The following USP10 variants were observed in gnomAD, a reference collection of about 807,000 sequenced individuals.
The protein encoded by USP10 is ubiquitin carboxyl-terminal hydrolase 10.
In USP10, 22 loss-of-function variants were observed where a neutral mutation model predicts 84.5. The observed-to-expected ratio is 0.26, with a 90% CI of 0.19 to 0.37. USP10 has a LOEUF of 0.37. Among genes scored for constraint, USP10 ranks in the 10% least tolerant of loss-of-function variants. USP10 has a pLI of 1.00. For missense variants in USP10, 1,019 were observed against 998.9 expected, an observed-to-expected ratio of 1.02 and a Z score of -0.27; for synonymous variants, 454 against 387.6, an observed-to-expected ratio of 1.17 and a Z score of -2.01.
intron 11 of USP10, among the ~76,000 whole-genome samples, chr16:84,769,076 A>C (rs190534951): frequency 1.3e-5 from 2 of 152,314 alleles, no homozygotes; most frequent in Admixed American, 1.3e-4. Context: ...AGGTTGTGGC[A>C]GTGAATTCAT....
At chr16:84,718,751 C>G (rs550521440) in intron 1 of USP10, among the ~76,000 whole-genome samples, 2 of 151,368 alleles carry the variant, frequency 1.3e-5, no homozygotes, top group South Asian at 2.1e-4. Context: ...GCAAGACTGT[C>G]TGACAAAAAA....
At chr16:84,770,258 G>C (rs1914291956) in intron 11 of USP10, among the ~76,000 whole-genome samples, 1 of 152,170 alleles carries the variant, frequency 6.6e-6, no homozygotes, top group Non-Finnish European at 1.5e-5. Context: ...GATGTTTCAG[G>C]AAGATTTGGG....
At chr16:84,767,793 T>A (rs1914023254) in intron 10 of USP10, among the ~76,000 whole-genome samples, 1 of 152,140 alleles carries the variant, frequency 6.6e-6, no homozygotes, top group Non-Finnish European at 1.5e-5. Flanking sequence ...TTAATTTATT[T>A]TTTTATTGAT....
rs796589020 is a variant in USP10 at position 84,756,651 on chromosome 16, T to TA, written c.1193-2055dup. 1.9e-3 allele frequency among the ~76,000 whole-genome samples: 286 copies of TA among 149,480 alleles called. 1 individual carries two copies. Among genetic ancestry groups the TA allele is most frequent in the African/African-American group, 5.9e-3 (241 of 40,822 alleles). ...AGGCTTTGAGTCTTAAGGTTAGGTT[T>TA]AAAAAAAAAAGTCATTTGATATAAA... On this transcript the variant is annotated intron_variant, in intron 4 of 13. Coordinates refer to ENST00000219473, the MANE Select transcript of USP10 (RefSeq NM_005153.3).
intron 1 of USP10, chr16:84,704,665 T>G (rs1422113125): frequency 1.6e-5 from 23 of 1,440,630 alleles, no homozygotes; most frequent in Non-Finnish European, 1.7e-5. Context: ...AATGTAGAAT[T>G]TATCATAAAC....
In USP10 at chr16:84,700,158, G is replaced by A. The variant is rs1434030332; in HGVS notation, c.21+47G>A. On this transcript the variant is annotated intron_variant, in intron 1 of 13. Coordinates refer to ENST00000219473, the MANE Select transcript of USP10 (RefSeq NM_005153.3). The stretch of plus-strand genomic sequence containing the variant: ...CGGCCGGAAGGGGCCCGAGCCCCGG[G>A]CGGGCGGACGCCGCGGCGGGCGGGC... The A allele has an allele frequency of 9.8e-6, 12 of 1,220,474 alleles. 2 individuals carry two copies. The African/African-American group carries it at 2.0e-4, about 20-fold the overall frequency. 75.6% of individuals were successfully genotyped at this position (1,220,474 alleles called of 1,614,324 possible). A position where few individuals can be genotyped will look rare whatever the true frequency, so the allele number is the denominator to read the frequency against.
rs575864843 is a variant in USP10, at chr16:84,752,862, G to T, written c.1193-5854G>T. 2.6e-5 allele frequency among the ~76,000 whole-genome samples: 4 copies of T among 152,290 alleles called. 1 individual carries two copies. The South Asian group carries it at 6.2e-4, about 24-fold the overall frequency. On this transcript the variant is annotated intron_variant, in intron 4 of 13. Transcript: ENST00000219473. ...GATGTTACAAAAGTGGACCTTAAAT[G>T]TTTCTTGAGTGTTTGGATCTTAAGA...
intron 2 of USP10, among the ~76,000 whole-genome samples, chr16:84,736,022 C>T (rs1052946706): frequency 4.0e-5 from 6 of 149,962 alleles, no homozygotes; most frequent in Admixed American, 6.6e-5. Flanking sequence ...GTGTGAGTGG[C>T]GAGGGCGTGT....
At chr16:84,726,828 G>C (rs1415214552) in intron 1 of USP10, among the ~76,000 whole-genome samples, 1 of 152,218 alleles carries the variant, frequency 6.6e-6, no homozygotes, top group African/African-American at 2.4e-5. Context: ...CGAATCGCAG[G>C]CATTTCTGTG....
rs140147479 is a variant in USP10 at position 84,733,486 on chromosome 16, C to T, written c.73C>T (p.Pro25Ser). The T allele has an allele frequency of 3.7e-6, 6 of 1,608,398 alleles. No homozygotes were observed. Among genetic ancestry groups the T allele is most frequent in the South Asian group, 1.1e-5 (1 of 90,280 alleles). The change falls in exon 2 of 14, where the codon CCT becomes TCT. Residue 25 changes from proline (P) to serine (S), a missense_variant. By Grantham distance (74) the Pro-to-Ser change is moderately conservative (BLOSUM62 -1). This residue lies in a region of USP10 where 787 missense variants were observed against 708.8 expected (regional missense o/e 1.11). Coordinates refer to ENST00000219473, the MANE Select transcript of USP10 (RefSeq NM_005153.3). Reference protein sequence around the residue: ...PDEFNQFFVTPRSSVELPPYS... With the variant: ...PDEFNQFFVTSRSSVELPPYS... ...TGAATTCAATCAATTCTTTGTGACTCCTCGATCTTCAGTTGAGGTAAGACA... is the reference window on the plus strand; with the variant it reads ...TGAATTCAATCAATTCTTTGTGACTTCTCGATCTTCAGTTGAGGTAAGACA...
intron 1 of USP10, among the ~76,000 whole-genome samples, chr16:84,725,669 G>A (rs1159145166): frequency 2.0e-5 from 3 of 152,152 alleles, no homozygotes; most frequent in African/African-American, 7.2e-5. Context: ...CCCCCAGAGT[G>A]CTGGGATTAC....
At chr16:84,735,136 G>C (rs1003943925) in intron 2 of USP10, among the ~76,000 whole-genome samples, 3 of 151,676 alleles carry the variant, frequency 2.0e-5, no homozygotes, top group African/African-American at 7.3e-5. Flanking sequence ...CCTCAGGGGG[G>C]TTCTCATGCT....
At chr16:84,747,192 G>T (rs1029643406) in intron 4 of USP10, among the ~76,000 whole-genome samples, 2 of 152,188 alleles carry the variant, frequency 1.3e-5, no homozygotes, top group African/African-American at 4.8e-5. Context: ...CTGGTGACCA[G>T]ATCTTCAGAT....
chr16:84,743,985 G>A (rs1910919282), intron 3 of USP10, among the ~76,000 whole-genome samples: 1 of 152,196 alleles, frequency 6.6e-6, no homozygotes, highest in African/African-American at 2.4e-5. Context: ...ACCAGCGGAG[G>A]AGACCAAGAG....
In USP10 at chr16:84,778,908, C is replaced by T. The variant is rs758902600; in HGVS notation, c.2223C>T (p.His741=). ...GCTCTCTTCCAGTGGTCTACCATCA[C>T]GGCAACAGTGCGACGGGCGGCCATT... ...TYRLFAVVYH[H]GNSATGGHYT... The change falls in exon 14 of 14, where the codon CAC becomes CAT. Residue 741 remains histidine (H), a synonymous_variant. Coordinates refer to ENST00000219473, the MANE Select transcript of USP10 (RefSeq NM_005153.3). The T allele has an allele frequency of 1.9e-5, 31 of 1,613,318 alleles. No homozygotes were observed. The East Asian group carries it at 2.0e-4, about 10-fold the overall frequency.
At chr16:84,710,216 G>C (rs999087609) in intron 1 of USP10, among the ~76,000 whole-genome samples, 1 of 150,974 alleles carries the variant, frequency 6.6e-6, no homozygotes, top group African/African-American at 2.4e-5. Flanking sequence ...GTTGCAGTGA[G>C]CCAGACTGTG....
intron 1 of USP10, among the ~76,000 whole-genome samples, chr16:84,711,736 T>C (rs1906327623): frequency 6.8e-6 from 1 of 146,344 alleles, no homozygotes; most frequent in Non-Finnish European, 1.5e-5. Flanking sequence ...TTTTTTTTTT[T>C]TTTTTGTCTG....
At chr16:84,747,872 G>T (rs1449304858) in intron 4 of USP10, among the ~76,000 whole-genome samples, 1 of 151,912 alleles carries the variant, frequency 6.6e-6, no homozygotes, top group Non-Finnish European at 1.5e-5. Flanking sequence ...CAGGCCAGGC[G>T]ATTTCTTGAA....
intron 2 of USP10, among the ~76,000 whole-genome samples, chr16:84,734,526 G>T (rs1264495766): frequency 1.3e-5 from 2 of 152,178 alleles, no homozygotes; most frequent in Non-Finnish European, 2.9e-5. Context: ...TGGTTTTACA[G>T]GCATCTGTTC....
Sources: allele counts gnomAD v4.1 joint callset (sites outside exome capture counted in the v4.1 genomes callset), GRCh38; gene constraint gnomAD v4.1.1; regional missense constraint gnomAD v4.1.1; transcripts MANE v1.5; gene names NCBI Gene and HGNC (gene_info 2026-07-23, HGNC 2026-07-21).